NXPH1: variants seen among roughly 807,000 people sequenced by gnomAD.
NXPH1 encodes neurexophilin 1.
In NXPH1, 5 loss-of-function variants were observed where a neutral mutation model predicts 23.7. The ratio of observed to expected loss-of-function variants is 0.21; its 90% confidence interval spans 0.11 to 0.44. The LOEUF is 0.44. Ranked by LOEUF, NXPH1 falls within the 20% of genes least tolerant of loss-of-function variation. The pLI is 0.99. For missense variants in NXPH1, 324 were observed against 321.6 expected, an observed-to-expected ratio of 1.01 and a Z score of -0.06; for synonymous variants, 144 against 122.2, an observed-to-expected ratio of 1.18 and a Z score of -1.18.
chr7:8,642,593 G>C (rs1820334514), intron 2 of NXPH1, among the ~76,000 whole-genome samples: 1 of 151,928 alleles, frequency 6.6e-6, no homozygotes, highest in Admixed American at 6.6e-5. Context: ...TTGACCATCT[G>C]TCTGGATTTT....
chr7:8,645,703 A>T (rs923559266), intron 2 of NXPH1, among the ~76,000 whole-genome samples: 2 of 152,028 alleles, frequency 1.3e-5, no homozygotes, highest in African/African-American at 4.8e-5. Context: ...TATTGTAAAC[A>T]TTTTAATGTT....
At chr7:8,702,449 C>G (rs1356293443) in intron 2 of NXPH1, among the ~76,000 whole-genome samples, 1 of 152,104 alleles carries the variant, frequency 6.6e-6, no homozygotes, top group African/African-American at 2.4e-5. Context: ...CATGCTCTGT[C>G]CTTGGATTCA....
chr7:8,527,779 T>C (rs772910617), intron 2 of NXPH1, among the ~76,000 whole-genome samples: 1 of 152,174 alleles, frequency 6.6e-6, no homozygotes, highest in Non-Finnish European at 1.5e-5. Context: ...TTTCCTCTCC[T>C]GAAGAGACCT....
chr7:8,525,348 C>T (rs980225161), intron 2 of NXPH1, among the ~76,000 whole-genome samples: 3 of 152,116 alleles, frequency 2.0e-5, no homozygotes, highest in Non-Finnish European at 4.4e-5. Flanking sequence ...CTATTAAAGG[C>T]ATTCAGTTTT....
At chr7:8,731,588 G>C (rs998484048) in intron 2 of NXPH1, among the ~76,000 whole-genome samples, 4 of 152,142 alleles carry the variant, frequency 2.6e-5, no homozygotes, top group Non-Finnish European at 4.4e-5. Flanking sequence ...AGGTCTGTTG[G>C]AGTACTCGGC....
At chr7:8,710,655 T>A (rs1257606363) in intron 2 of NXPH1, among the ~76,000 whole-genome samples, 1 of 97,348 alleles carries the variant, frequency 1.0e-5, no homozygotes. Flanking sequence ...TTGTTTTTTT[T>A]TTTTTTTTTT....
chr7:8,519,758 A>G (rs1211207275), intron 2 of NXPH1, among the ~76,000 whole-genome samples: 1 of 152,226 alleles, frequency 6.6e-6, no homozygotes, highest in Non-Finnish European at 1.5e-5. Flanking sequence ...GAGAAAAATA[A>G]GAAGGCAAAC....
At chr7:8,585,351 G>A (rs1370301219) in intron 2 of NXPH1, among the ~76,000 whole-genome samples, 1 of 139,162 alleles carries the variant, frequency 7.2e-6, no homozygotes, top group Admixed American at 6.8e-5. Context: ...TTCAACTGAA[G>A]CTTTGTGTTT....
At chr7:8,509,972 A>G (rs1817587361) in intron 2 of NXPH1, among the ~76,000 whole-genome samples, 1 of 152,174 alleles carries the variant, frequency 6.6e-6, no homozygotes, top group African/African-American at 2.4e-5. Flanking sequence ...ATCCTGTTAT[A>G]AATACTACAG....
intron 2 of NXPH1, among the ~76,000 whole-genome samples, chr7:8,548,488 C>G (rs1240965940): frequency 6.6e-6 from 1 of 151,598 alleles, no homozygotes; most frequent in East Asian, 2.0e-4. Flanking sequence ...TCTTAATAAG[C>G]CTATAAAGTA....
chr7:8,472,578 C>T (rs550082548), intron 2 of NXPH1, among the ~76,000 whole-genome samples: 1 of 152,200 alleles, frequency 6.6e-6, no homozygotes, highest in Non-Finnish European at 1.5e-5. Flanking sequence ...GGATGCCACA[C>T]TTCCTTGGTG....
chr7:8,616,867 AC>A lies in NXPH1; in HGVS notation c.55-134139del, dbSNP rs201729062. Among the ~76,000 whole-genome samples the A allele has an allele frequency of 3.2e-3, 479 of 150,732 alleles. 1 individual carries two copies. The highest frequency in any genetic ancestry group is 0.011 in the African/African-American group (454 of 41,074). ...CAAGTTTATGTTAAAAAAAAAAAAAACCACTCTGGCTGAAGTATGGATATCA... is the reference window on the plus strand; with the variant it reads ...CAAGTTTATGTTAAAAAAAAAAAAAACACTCTGGCTGAAGTATGGATATCA... On this transcript the variant is annotated intron_variant, in intron 2 of 2. Transcript: ENST00000405863.
intron 2 of NXPH1, among the ~76,000 whole-genome samples, chr7:8,600,518 C>G (rs961579496): frequency 2.0e-5 from 3 of 152,196 alleles, no homozygotes; most frequent in African/African-American, 7.2e-5. Context: ...GTGGTCAGAT[C>G]TGGTTTGCAG....
chr7:8,746,006 A>G (rs751945090), intron 2 of NXPH1, among the ~76,000 whole-genome samples: 6 of 152,114 alleles, frequency 3.9e-5, no homozygotes, highest in Non-Finnish European at 5.9e-5. Context: ...GATTGCTGGA[A>G]TGTTACACAT....
chr7:8,593,444 T>A (rs985801554), intron 2 of NXPH1, among the ~76,000 whole-genome samples: 5 of 152,040 alleles, frequency 3.3e-5, no homozygotes, highest in African/African-American at 1.2e-4. Flanking sequence ...TTTCCAGTTT[T>A]CAAATGCAAA....
chr7:8,576,120 G>A (rs1224619835), intron 2 of NXPH1, among the ~76,000 whole-genome samples: 1 of 152,110 alleles, frequency 6.6e-6, no homozygotes, highest in Non-Finnish European at 1.5e-5. Flanking sequence ...AGAGAGATAT[G>A]CCTTTTATTT....
At chr7:8,739,290 G>T (rs540902137) in intron 2 of NXPH1, among the ~76,000 whole-genome samples, 1 of 151,306 alleles carries the variant, frequency 6.6e-6, no homozygotes, top group South Asian at 2.1e-4. Context: ...GCACCCGAGG[G>T]AATCTCCTGG....
At chr7:8,460,041 T>G (rs1816666420) in intron 2 of NXPH1, among the ~76,000 whole-genome samples, 1 of 152,206 alleles carries the variant, frequency 6.6e-6, no homozygotes, top group Non-Finnish European at 1.5e-5. Context: ...TGTTAGGTCT[T>G]CTGTTAGTTT....
chr7:8,507,991 A>G (rs1817557766), intron 2 of NXPH1, among the ~76,000 whole-genome samples: 1 of 152,102 alleles, frequency 6.6e-6, no homozygotes, highest in Admixed American at 6.6e-5. Context: ...TTTGAAAAGA[A>G]TCTTTATGCT....
Sources: gnomAD v4.1 joint callset for allele counts (sites outside exome capture counted in the v4.1 genomes callset) on GRCh38, gnomAD v4.1.1 for gene constraint, MANE v1.5 for transcripts, NCBI Gene and HGNC (gene_info 2026-07-23, HGNC 2026-07-21) for gene names.